ZNF479: variants seen among roughly 807,000 people sequenced by gnomAD.
ZNF479 encodes the protein zinc finger protein 479.
In ZNF479, 15 loss-of-function variants were observed where a neutral mutation model predicts 14.7. The observed-to-expected ratio is 1.02, with a 90% CI of 0.68 to 1.57. The LOEUF is 1.57. ZNF479 is among the 40% of genes most tolerant of loss of function. The pLI is 0.00. For synonymous variants in ZNF479, 145 were observed against 211.5 expected (o/e 0.69, Z 2.73); for missense variants, 506 against 615.1 (o/e 0.82, Z 1.88).
At chr7:57,134,163 A>G (rs1263717423), upstream of ZNF479, among the ~76,000 whole-genome samples, 1 of 152,184 alleles carries the variant, frequency 6.6e-6, no homozygotes, top group African/African-American at 2.4e-5. Context: ...ACAGGACTGC[A>G]TTTCCATGAG....
chr7:57,125,833 T>TA (rs1266753384), intron 3 of ZNF479, among the ~76,000 whole-genome samples, 185 bp downstream of exon 3: 1 of 152,198 alleles, frequency 6.6e-6, no homozygotes. Context: ...GTGGAATCCT[T>TA]AGAGACTTTA....
chr7:57,123,592 G>T (rs1050572479), intron 3 of ZNF479, among the ~76,000 whole-genome samples: 9 of 152,140 alleles, frequency 5.9e-5, no homozygotes, highest in African/African-American at 2.2e-4. Context: ...CCAGCAGTTT[G>T]GGAGGCCAAG....
In ZNF479 at chr7:57,120,314, G is replaced by T; in HGVS notation, c.1101C>A (p.Asn367Lys). The T allele has an allele frequency of 6.2e-7, 1 of 1,609,730 alleles. No individual in the cohort carries two copies. The highest frequency in any genetic ancestry group is 1.1e-5 in the South Asian group (1 of 90,820). Residue 367 changes from asparagine (N) to lysine (K), a missense_variant, in exon 4 of 4, where the codon AAC (asparagine) becomes AAA (lysine). Physicochemically the swap from Asn to Lys is moderately conservative, Grantham distance 94 (BLOSUM62 0). Around this residue, in one of 3 missense-constraint regions of ZNF479, gnomAD observed 420 missense variants for 474.2 expected, o/e 0.89. Transcript: ENST00000319636. ...TATGAATTCTCCTATGTCTCATAAG[G>T]TTCGAGGATAAGCTAAAGGCTTGGC... Reference protein sequence around the residue: ...ECGQAFSLSSNLMRHRRIHTG... With the variant: ...ECGQAFSLSSKLMRHRRIHTG...
intron 1 of ZNF479, among the ~76,000 whole-genome samples, chr7:57,130,257 G>C (rs1194287587): frequency 6.6e-6 from 1 of 152,164 alleles, no homozygotes; most frequent in African/African-American, 2.4e-5. Context: ...GGAAGATCAC[G>C]AGTTCAGGGG....
At chr7:57,130,410 T>G (rs1288379473) in intron 1 of ZNF479, among the ~76,000 whole-genome samples, 1 of 151,494 alleles carries the variant, frequency 6.6e-6, no homozygotes, top group African/African-American at 2.4e-5. Context: ...AAGGCAGAGG[T>G]TGCAGTGAGC....
At chr7:57,130,175 T>C (rs1014924156) in intron 1 of ZNF479, among the ~76,000 whole-genome samples, 2 of 152,076 alleles carry the variant, frequency 1.3e-5, no homozygotes, top group African/African-American at 2.4e-5. Context: ...TAAATAACTA[T>C]AAAAAGTTCA....
chr7:57,134,665 C>CTTTTTTTTT (rs71053216), upstream of ZNF479, among the ~76,000 whole-genome samples: 78 of 106,504 alleles, frequency 7.3e-4, no homozygotes, highest in Admixed American at 1.1e-3. Context: ...TTTCTTCTAT[C>CTTTTTTTTT]TTTTTTTTTT....
chr7:57,137,214 A>T (rs750636641), upstream of ZNF479, among the ~76,000 whole-genome samples: 1 of 152,170 alleles, frequency 6.6e-6, no homozygotes, highest in Non-Finnish European at 1.5e-5. Flanking sequence ...TTTGCTCACT[A>T]CAACTCTGCC....
At chr7:57,127,940 T>A (rs35315920) in intron 1 of ZNF479, among the ~76,000 whole-genome samples, 10,441 of 53,922 alleles carry the variant, frequency 0.19, 679 homozygotes, top group African/African-American at 0.38. Flanking sequence ...TATATATATT[T>A]TTTTTTTTTT....
At chr7:57,127,015 C>CTTTTTTTTTTTTTTTTTTTTTTTTT (rs1175973407) in intron 1 of ZNF479, among the ~76,000 whole-genome samples, 1 of 130,344 alleles carries the variant, frequency 7.7e-6, no homozygotes. Context: ...TTCTGTTTTT[C>CTTTTTTTTTTTTTTTTTTTTTTTTT]TTTTTTTTTT....
chr7:57,136,014 T>TC (rs1786640449), upstream of ZNF479, among the ~76,000 whole-genome samples: 3 of 148,454 alleles, frequency 2.0e-5, no homozygotes, highest in South Asian at 2.2e-4. Context: ...TCTCTCTCTC[T>TC]TTCCTTTCCT....
At chr7:57,121,238 G>A (rs1332079458) in intron 3 of ZNF479, 86 bp from the exon 4 acceptor site, 12 of 1,569,506 alleles carry the variant, frequency 7.6e-6, no homozygotes, top group Non-Finnish European at 1.0e-5. Flanking sequence ...AATTACACAA[G>A]GTACATTAGC....
chr7:57,120,449 C>G lies in ZNF479; in HGVS notation c.966G>C (p.Glu322Asp), dbSNP rs1314562655. The G allele has an allele frequency of 6.2e-7, 1 of 1,612,304 alleles. No homozygotes were observed. Among genetic ancestry groups the G allele is most frequent in the South Asian group, 1.1e-5 (1 of 90,992 alleles). ...LTDHKRIHTG[E>D]KPCRCEECGK... ...CACATTCCTCACACCTGCAGGGTTT[C>G]TCTCCAGTATGAATTCTCTTGTGGT... The change falls in exon 4 of 4, where the codon GAG (glutamate) becomes GAC (aspartate). Residue 322 changes from glutamate (E) to aspartate (D), a missense_variant. Physicochemically the swap from Glu to Asp is conservative, Grantham distance 45. This residue lies in a region of ZNF479 where 420 missense variants were observed against 474.2 expected (regional missense o/e 0.89). Transcript: ENST00000319636.
intron 1 of ZNF479, among the ~76,000 whole-genome samples, chr7:57,129,158 A>G (rs60649821): frequency 0.28 from 42,029 of 152,122 alleles, 6,962 homozygotes; most frequent in East Asian, 0.53. Context: ...TTTTCTTTAC[A>G]GTAATGGGAG....
At chr7:57,122,359 A>C (rs1170611272) in intron 3 of ZNF479, among the ~76,000 whole-genome samples, 3 of 144,966 alleles carry the variant, frequency 2.1e-5, no homozygotes, top group Non-Finnish European at 3.1e-5. Context: ...GCACATAATC[A>C]TTGTATGTGC....
At chr7:57,127,617 C>T (rs1260631398) in intron 1 of ZNF479, 1 of 872,240 alleles carries the variant, frequency 1.1e-6, no homozygotes, top group African/African-American at 1.8e-5. Flanking sequence ...AGATAAGAGC[C>T]TTCATTTTTA....
upstream of ZNF479, among the ~76,000 whole-genome samples, chr7:57,133,663 C>T (rs775123366): frequency 1.1e-4 from 17 of 152,210 alleles, no homozygotes; most frequent in East Asian, 1.9e-4. Context: ...GTCAGGAGTT[C>T]GAGACCAGCC....
Position 57,120,524 on chromosome 7 carries a change from G to A in ZNF479, c.891C>T (p.Tyr297=), listed in dbSNP as rs370282557. The A allele has an allele frequency of 1.9e-4, 309 of 1,612,872 alleles. No homozygotes were observed. The highest frequency in any genetic ancestry group is 2.5e-4 in the Non-Finnish European group (294 of 1,179,760). ...AGGCTTTGCCACATTCTTCACATTT[G>A]TAGGGTCTCTCTCCAGTATGAATTC... The part of the protein sequence containing the change: ...HKRIHTGERP[Y]KCEECGKAFS... The change falls in exon 4 of 4, where the codon TAC becomes TAT. Residue 297 remains tyrosine, a synonymous_variant. Coordinates refer to ENST00000319636, the MANE Select transcript of ZNF479 (RefSeq NM_001370129.2).
intron 3 of ZNF479, 103 bp from the exon 4 acceptor site, chr7:57,121,255 C>T: frequency 7.3e-7 from 1 of 1,365,038 alleles, no homozygotes. Flanking sequence ...TAGCAAAATG[C>T]CATATCAAAA....
Sources: allele counts gnomAD v4.1 joint callset (sites outside exome capture counted in the v4.1 genomes callset), GRCh38; gene constraint gnomAD v4.1.1; regional missense constraint gnomAD v4.1.1; transcripts MANE v1.5; gene names NCBI Gene and HGNC (gene_info 2026-07-23, HGNC 2026-07-21).